Variants in C3orf20 observed in about 807,000 individuals in gnomAD.
C3orf20 encodes family with sequence similarity 149 member C, also known as uncharacterized protein C3orf20.
Under a neutral mutation model 88.3 loss-of-function variants are expected in C3orf20, and 76 were observed. That is an observed-to-expected ratio of 0.86 (90% CI 0.72 to 1.04). C3orf20 has a LOEUF of 1.04. Ranked by LOEUF, C3orf20 falls within the 50% of genes least tolerant of loss-of-function variation. C3orf20 has a pLI of 0.00. For synonymous variants in C3orf20, 436 were observed against 437.4 expected, an observed-to-expected ratio of 1.00 and a Z score of 0.04; for missense variants, 1,056 against 1,123.3, an observed-to-expected ratio of 0.94 and a Z score of 0.86.
Position 14,690,061 on chromosome 3 carries a change from C to T in C3orf20, c.690C>T (p.Ser230=). ...CTTACCAGCTGATCTACCACTCTTCCACAGCCTGTCTGAGCTTTTCTCTCT... is the reference window on the plus strand; with the variant it reads ...CTTACCAGCTGATCTACCACTCTTCTACAGCCTGTCTGAGCTTTTCTCTCT... ...NSPYQLIYHS[S]TACLSFSLSA... Residue 230 remains serine, a synonymous_variant, in exon 5 of 17, where the codon TCC becomes TCT. Transcript: ENST00000253697. The T allele has an allele frequency of 6.2e-7, 1 of 1,614,204 alleles. No homozygotes were observed. The highest frequency in any genetic ancestry group is 8.5e-7 in the Non-Finnish European group (1 of 1,180,032).
At chr3:14,694,188 A>G (rs1180649943) in intron 5 of C3orf20, among the ~76,000 whole-genome samples, 3 of 152,192 alleles carry the variant, frequency 2.0e-5, no homozygotes, top group Admixed American at 1.3e-4. Context: ...TTTTGGTATC[A>G]GAGTAATATT....
At chr3:14,753,673 G>A (rs1163869356) in intron 12 of C3orf20, among the ~76,000 whole-genome samples, 2 of 152,064 alleles carry the variant, frequency 1.3e-5, no homozygotes, top group African/African-American at 2.4e-5. Context: ...ATATTAGAAT[G>A]TGGTAACCCT....
chr3:14,691,819 A>G (rs937508915), intron 5 of C3orf20, among the ~76,000 whole-genome samples: 5 of 152,200 alleles, frequency 3.3e-5, no homozygotes, highest in African/African-American at 1.2e-4. Context: ...ATTTGACTGT[A>G]ATCACCCTGT....
chr3:14,728,697 G>A lies in C3orf20; in HGVS notation c.1940+9G>A. 1.9e-6 allele frequency: 3 copies of A among 1,611,984 alleles called. No individual in the cohort carries two copies. Among genetic ancestry groups the A allele is most frequent in the African/African-American group, 1.3e-5 (1 of 74,972 alleles). On this transcript the variant is annotated intron_variant, in intron 12 of 16. Transcript: ENST00000253697. ...GCCAAGGTCACATCCAGGTTGGCTT[G>A]GTCCTTCACGTCTTCCGCAGCATCG...
intron 12 of C3orf20, among the ~76,000 whole-genome samples, chr3:14,755,543 A>T (rs1412817736): frequency 6.6e-6 from 1 of 152,150 alleles, no homozygotes; most frequent in Non-Finnish European, 1.5e-5. Context: ...TGAGTAAGAG[A>T]TATTCTTAAC....
intron 15 of C3orf20, among the ~76,000 whole-genome samples, chr3:14,771,483 G>A (rs902985605): frequency 6.6e-6 from 1 of 152,244 alleles, no homozygotes; most frequent in Admixed American, 6.5e-5. Flanking sequence ...CCCAGGCCTT[G>A]CTCCCTGTTC....
chr3:14,751,788 C>G (rs941579124), intron 12 of C3orf20, among the ~76,000 whole-genome samples: 1 of 152,076 alleles, frequency 6.6e-6, no homozygotes, highest in Non-Finnish European at 1.5e-5. Context: ...TGTGAAGGAC[C>G]TCTTCAAGGA....
At chr3:14,696,525 G>A (rs1454829439) in intron 5 of C3orf20, among the ~76,000 whole-genome samples, 1 of 151,688 alleles carries the variant, frequency 6.6e-6, no homozygotes, top group Non-Finnish European at 1.5e-5. Context: ...CAAGTAGCTG[G>A]GACTACAGAC....
At chr3:14,717,437 A>T (rs2033983348) in intron 9 of C3orf20, among the ~76,000 whole-genome samples, 1 of 152,020 alleles carries the variant, frequency 6.6e-6, no homozygotes, top group Non-Finnish European at 1.5e-5. Flanking sequence ...AGGAGGCAAA[A>T]ATCTTCTGGG....
intron 7 of C3orf20, among the ~76,000 whole-genome samples, chr3:14,713,286 T>C (rs2033818586): frequency 6.6e-6 from 1 of 152,190 alleles, no homozygotes; most frequent in African/African-American, 2.4e-5. Context: ...ACTCCTATTA[T>C]TCATATGTTG....
At chr3:14,720,190 T>C (rs1487273348) in intron 9 of C3orf20, among the ~76,000 whole-genome samples, 1 of 152,092 alleles carries the variant, frequency 6.6e-6, no homozygotes, top group African/African-American at 2.4e-5. Context: ...CCACCATGCC[T>C]GGCTAATTTT....
At chr3:14,756,123 C>T (rs1321826224) in intron 12 of C3orf20, among the ~76,000 whole-genome samples, 1 of 150,326 alleles carries the variant, frequency 6.7e-6, no homozygotes, top group Non-Finnish European at 1.5e-5. Flanking sequence ...AAGACAATGT[C>T]TATTCCAAGA....
chr3:14,769,395 A>T (rs1417162115), intron 15 of C3orf20, among the ~76,000 whole-genome samples: 2 of 151,938 alleles, frequency 1.3e-5, no homozygotes, highest in African/African-American at 2.4e-5. Flanking sequence ...AGCCACCAAG[A>T]CAGGCTGTTA....
chr3:14,712,637 T>C (rs2124955942), intron 7 of C3orf20, among the ~76,000 whole-genome samples: 1 of 152,314 alleles, frequency 6.6e-6, no homozygotes, highest in East Asian at 1.9e-4. Flanking sequence ...TTACAATTAC[T>C]GTTTTATGCA....
At chr3:14,748,199 C>A (rs1218298146) in intron 12 of C3orf20, among the ~76,000 whole-genome samples, 2 of 151,892 alleles carry the variant, frequency 1.3e-5, no homozygotes, top group Non-Finnish European at 2.9e-5. Context: ...TAATTTTGAT[C>A]ATTTGTGTGT....
In C3orf20 at chr3:14,768,680, A is replaced by T. The variant is rs2035784673; in HGVS notation, c.2496-3387A>T. ...ACTGGGGCCTGAGGGGGCGCTGAGT[A>T]GAGAGAAATTACCTTCCTGAAGTAG... is the stretch of plus-strand genomic sequence containing the variant. On this transcript the variant is annotated intron_variant, in intron 15 of 16. Coordinates refer to ENST00000253697, the MANE Select transcript of C3orf20 (RefSeq NM_032137.5). The surrounding 1 kb of genome is among the most constrained non-coding windows in gnomAD (Gnocchi z 4.1). 6.6e-6 allele frequency among the ~76,000 whole-genome samples: 1 copy of T among 151,934 alleles called. No individual in the cohort carries two copies. Among genetic ancestry groups the T allele is most frequent in the South Asian group, 2.1e-4 (1 of 4,798 alleles).
chr3:14,684,429 C>G (rs1363382575), intron 4 of C3orf20, 47 bp downstream of exon 4: 1 of 1,588,466 alleles, frequency 6.3e-7, no homozygotes, highest in Non-Finnish European at 8.6e-7. Flanking sequence ...CAAACAATAT[C>G]AGCAGGAATG....
intron 15 of C3orf20, among the ~76,000 whole-genome samples, chr3:14,766,812 G>A (rs1457785802): frequency 2.0e-5 from 3 of 152,178 alleles, no homozygotes; most frequent in Admixed American, 6.5e-5. Context: ...GAGGTGGGGC[G>A]CCAGGGTAGC....
intron 9 of C3orf20, among the ~76,000 whole-genome samples, chr3:14,719,400 G>T (rs537798934): frequency 3.9e-5 from 6 of 152,336 alleles, no homozygotes; most frequent in Admixed American, 3.9e-4. Flanking sequence ...GAACTCAATG[G>T]TGCACAGGCA....
Sources: allele counts gnomAD v4.1 joint callset (sites outside exome capture counted in the v4.1 genomes callset), GRCh38; gene constraint gnomAD v4.1.1; non-coding constraint Gnocchi (gnomAD v3.1); transcripts MANE v1.5; gene names NCBI Gene and HGNC (gene_info 2026-07-23, HGNC 2026-07-21).